The following ZNF780A variants were observed in gnomAD, a reference collection of about 807,000 sequenced individuals.
ZNF780A encodes zinc finger protein 780A.
ZNF780A carries 40 observed loss-of-function variants against 56.7 expected under a neutral mutation model. The observed-to-expected ratio is 0.71, with a 90% CI of 0.55 to 0.92. The LOEUF (loss-of-function observed/expected upper bound fraction) is 0.92, where lower values mean the gene tolerates loss of function less well. ZNF780A is among the 40% of genes least tolerant of loss of function. The pLI, the probability that ZNF780A is intolerant of heterozygous loss-of-function variation, is 0.00. For synonymous variants in ZNF780A, 231 were observed against 248.3 expected, an observed-to-expected ratio of 0.93 and a Z score of 0.66; for missense variants, 672 against 783.3, an observed-to-expected ratio of 0.86 and a Z score of 1.70.
At chr19:40,072,792 G>A, downstream of ZNF780A, 1 of 1,432,854 alleles carries the variant, frequency 7.0e-7, no homozygotes, top group South Asian at 1.6e-5. Flanking sequence ...TAGGGCTTAA[G>A]CCTCTGTAGC....
intron 4 of ZNF780A, 43 bp from the exon 5 acceptor site, chr19:40,081,957 A>ATT: frequency 4.7e-5 from 59 of 1,264,736 alleles, no homozygotes; most frequent in Non-Finnish European, 5.5e-5. Flanking sequence ...TTTAATACAG[A>ATT]TTTTTTTTTT....
chr19:40,077,982 G>T (rs186560696), intron 5 of ZNF780A, among the ~76,000 whole-genome samples: 338 of 146,286 alleles, frequency 2.3e-3, no homozygotes, highest in African/African-American at 8.3e-3. Context: ...CCTAGCAAAA[G>T]AATTCAAAAT....
chr19:40,085,681 A>C (rs953294429), intron 2 of ZNF780A, among the ~76,000 whole-genome samples: 2 of 152,076 alleles, frequency 1.3e-5, no homozygotes, highest in Non-Finnish European at 2.9e-5. Flanking sequence ...GGAGATCGAG[A>C]CCAACCTGGC....
chr19:40,081,942 AT>A (rs911129830), intron 4 of ZNF780A, 28 bp from the exon 5 acceptor site: 12 of 1,542,348 alleles, frequency 7.8e-6, no homozygotes, highest in East Asian at 2.3e-5. Flanking sequence ...CACATGTAGA[AT>A]TTTTTTAATA....
At chr19:40,084,066 AT>A (rs554762129) in intron 3 of ZNF780A, among the ~76,000 whole-genome samples, 1,683 of 147,296 alleles carry the variant, frequency 0.011, 14 homozygotes, top group African/African-American at 0.02. Flanking sequence ...CAACAGGCTA[AT>A]TTTTTTTTTT....
chr19:40,073,427 G>T lies in ZNF780A; in HGVS notation c.*1089C>A. On this transcript the variant is annotated 3_prime_UTR_variant, in exon 6 of 6. Transcript: ENST00000683561. ...TAAAGACATGAAATGCACACCTGAC[G>T]TTGGGAAAATGGACCTGATCGTCTT... 1.5e-6 allele frequency: 1 copy of T among 655,396 alleles called. No homozygotes were observed. Among genetic ancestry groups the T allele is most frequent in the Non-Finnish European group, 1.9e-6 (1 of 529,998 alleles). 40.6% of individuals were successfully genotyped at this position (655,396 alleles called of 1,614,324 possible). A position where few individuals can be genotyped will look rare whatever the true frequency, so the allele number is the denominator to read the frequency against.
chr19:40,078,813 C>T (rs1974304992), intron 5 of ZNF780A, among the ~76,000 whole-genome samples: 1 of 152,056 alleles, frequency 6.6e-6, no homozygotes, highest in African/African-American at 2.4e-5. Flanking sequence ...TGTGAAAACA[C>T]ACAAAATTAT....
chr19:40,081,952 T>C (rs778521116), intron 4 of ZNF780A, 38 bp from the exon 5 acceptor site: 1 of 1,506,372 alleles, frequency 6.6e-7, no homozygotes, highest in Non-Finnish European at 9.0e-7. Flanking sequence ...ATTTTTTTAA[T>C]ACAGATTTTT....
rs1212498266 is a variant in ZNF780A at position 40,077,882 on chromosome 19, CA to C, written c.233-1674del. Among the ~76,000 whole-genome samples the C allele has an allele frequency of 5.4e-3, 602 of 111,516 alleles. 3 individuals carry two copies. Among genetic ancestry groups the C allele is most frequent in the African/African-American group, 9.8e-3 (297 of 30,368 alleles). The allele number at this position is 111,516 out of a possible 152,430, so 73.2% of individuals were successfully genotyped here. ...AAATGAGAATAAACACAGGAAATAACAAAAAAAAAAAAAAGAGAAGGAAACT... is the reference window on the plus strand; with the variant it reads ...AAATGAGAATAAACACAGGAAATAACAAAAAAAAAAAAAGAGAAGGAAACT... On this transcript the variant is annotated intron_variant, in intron 5 of 5. Coordinates refer to ENST00000683561, the MANE Select transcript of ZNF780A (RefSeq NM_001142578.2).
chr19:40,075,297 A>C lies in ZNF780A; in HGVS notation c.1145T>G (p.Ile382Ser). 6.2e-7 allele frequency: 1 copy of C among 1,613,558 alleles called. No individual in the cohort carries two copies. ...LLNQLNRHKN[I>S]HTGEKPFECK... is the part of the protein sequence containing the mutation. Reference sequence around the variant, plus strand: ...TTCAAACGGTTTTTCACCTGTGTGAATGTTCTTATGGCGATTAAGCTGGTT... The same window carrying C: ...TTCAAACGGTTTTTCACCTGTGTGACTGTTCTTATGGCGATTAAGCTGGTT... Residue 382 changes from isoleucine to serine, a missense_variant, in exon 6 of 6, where the codon ATT becomes AGT. Physicochemically the swap from Ile to Ser is moderately radical, Grantham distance 142 (BLOSUM62 -2). Coordinates refer to ENST00000683561, the MANE Select transcript of ZNF780A (RefSeq NM_001142578.2).
intron 3 of ZNF780A, among the ~76,000 whole-genome samples, chr19:40,083,937 T>A (rs1463533560): frequency 3.3e-5 from 5 of 152,130 alleles, no homozygotes; most frequent in African/African-American, 1.2e-4. Flanking sequence ...TTTCACTCTG[T>A]TACCCAGGCT....
At chr19:40,090,657 G>C (rs1003320134) in intron 1 of ZNF780A, 1 of 152,002 alleles carries the variant, frequency 6.6e-6, no homozygotes, top group African/African-American at 2.4e-5. Flanking sequence ...CGCCCTCCCG[G>C]GCCTGTGCAT....
intron 5 of ZNF780A, among the ~76,000 whole-genome samples, chr19:40,079,522 A>T (rs1974352468): frequency 6.6e-6 from 1 of 152,184 alleles, no homozygotes; most frequent in Non-Finnish European, 1.5e-5. Flanking sequence ...CATTTCATCA[A>T]ATAGCTACAA....
Position 40,073,493 on chromosome 19 carries a change from A to C in ZNF780A, c.*1023T>G. On this transcript the variant is annotated 3_prime_UTR_variant, in exon 6 of 6. Transcript: ENST00000683561. ...GCCACAAACCTTCAGTTTGTATAAA[A>C]CACAATAACTGCAATGCACAATTCA... The C allele has an allele frequency of 1.0e-6, 1 of 984,592 alleles. No individual in the cohort carries two copies. The highest frequency in any genetic ancestry group is 1.2e-6 in the Non-Finnish European group (1 of 829,118). 61.0% of individuals were successfully genotyped at this position (984,592 alleles called of 1,614,324 possible).
downstream of ZNF780A, chr19:40,072,742 G>A (rs1973878458): frequency 3.0e-6 from 4 of 1,320,684 alleles, no homozygotes; most frequent in East Asian, 6.0e-5. Context: ...ACAATCACCT[G>A]GAGAAATAAT....
chr19:40,071,663 A>G (rs542254176), downstream of ZNF780A: 1 of 152,352 alleles, frequency 6.6e-6, no homozygotes, highest in East Asian at 1.9e-4. Context: ...TATGGCGGTT[A>G]CCAGCTTACC....
chr19:40,071,233 GGATT>G (rs1219504369), downstream of ZNF780A: 1 of 151,934 alleles, frequency 6.6e-6, no homozygotes, highest in Non-Finnish European at 1.5e-5. Flanking sequence ...AAATCACAAA[GGATT>G]ATTATTGATC....
chr19:40,069,704 A>G (rs1297897546), downstream of ZNF780A: 1 of 152,202 alleles, frequency 6.6e-6, no homozygotes, highest in East Asian at 1.9e-4. Flanking sequence ...ATAAATGGTT[A>G]TAAATTTTAC....
chr19:40,083,451 G>T (rs1176696706), intron 3 of ZNF780A, among the ~76,000 whole-genome samples: 1 of 152,080 alleles, frequency 6.6e-6, no homozygotes, highest in African/African-American at 2.4e-5. Context: ...GATTGCTTGA[G>T]CCTAGAAATT....
Sources: gnomAD v4.1 joint callset for allele counts (sites outside exome capture counted in the v4.1 genomes callset) on GRCh38, gnomAD v4.1.1 for gene constraint, MANE v1.5 for transcripts, NCBI Gene and HGNC (gene_info 2026-07-23, HGNC 2026-07-21) for gene names.